Variants in NAALADL2 observed in about 807,000 individuals in gnomAD.
NAALADL2 encodes N-acetylated alpha-linked acidic dipeptidase like 2.
Under a neutral mutation model 87.2 loss-of-function variants are expected in NAALADL2, and 76 were observed. The ratio of observed to expected loss-of-function variants is 0.87; its 90% CI spans 0.72 to 1.05. The LOEUF (loss-of-function observed/expected upper bound fraction) is 1.05, where lower values mean the gene tolerates loss of function less well. Among genes scored for constraint, NAALADL2 ranks in the 50% least tolerant of loss-of-function variants. The pLI is 0.00. For missense variants in NAALADL2, 1,089 were observed against 945.8 expected, an observed-to-expected ratio of 1.15 and a Z score of -1.99; for synonymous variants, 354 against 331.0, an observed-to-expected ratio of 1.07 and a Z score of -0.75.
At chr3:175,242,452 G>C (rs1747092628) in intron 3 of NAALADL2, 1 of 152,104 alleles carries the variant, frequency 6.6e-6, no homozygotes, top group Non-Finnish European at 1.5e-5. Flanking sequence ...TTGATTCTTA[G>C]GTTTCCGCAC....
chr3:175,377,701 C>T (rs971776539), intron 5 of NAALADL2, among the ~76,000 whole-genome samples: 1 of 152,134 alleles, frequency 6.6e-6, no homozygotes, highest in African/African-American at 2.4e-5. Flanking sequence ...CTGTACTGCA[C>T]CCCATCCTGT....
chr3:175,206,068 C>G (rs945409598), intron 2 of NAALADL2, among the ~76,000 whole-genome samples: 3 of 151,612 alleles, frequency 2.0e-5, no homozygotes, highest in South Asian at 2.1e-4. Context: ...AGTAGAACTA[C>G]CATTTGATAC....
chr3:174,479,987 T>C (rs1436680168), intron 1 of NAALADL2, among the ~76,000 whole-genome samples: 6 of 152,114 alleles, frequency 3.9e-5, no homozygotes, highest in African/African-American at 1.4e-4. Context: ...TGGTAATATG[T>C]GAGTTTTGAA....
At chr3:175,003,031 A>G (rs982285516) in intron 1 of NAALADL2, among the ~76,000 whole-genome samples, 9 of 152,206 alleles carry the variant, frequency 5.9e-5, no homozygotes, top group African/African-American at 2.2e-4. Flanking sequence ...TTTCATAAAC[A>G]TTTGTATTAG....
At chr3:175,549,777 A>G (rs773676773) in intron 9 of NAALADL2, among the ~76,000 whole-genome samples, 5 of 152,068 alleles carry the variant, frequency 3.3e-5, no homozygotes, top group Non-Finnish European at 5.9e-5. Context: ...TACAGTCAGA[A>G]GTTATTATTA....
At chr3:175,095,235 G>A (rs1720936971) in intron 1 of NAALADL2, among the ~76,000 whole-genome samples, 1 of 151,986 alleles carries the variant, frequency 6.6e-6, no homozygotes, top group Admixed American at 6.6e-5. Context: ...CAACTTAGAG[G>A]TCACTTTTTT....
intron 9 of NAALADL2, among the ~76,000 whole-genome samples, chr3:175,514,118 A>G (rs780072702): frequency 6.6e-6 from 1 of 152,240 alleles, no homozygotes; most frequent in African/African-American, 2.4e-5. Flanking sequence ...GTATAGGGTC[A>G]TGGTTAAGAT....
chr3:175,398,819 C>T (rs943328277), intron 5 of NAALADL2, among the ~76,000 whole-genome samples: 1 of 151,874 alleles, frequency 6.6e-6, no homozygotes, highest in Admixed American at 6.6e-5. Flanking sequence ...TGTATGAATA[C>T]ACTATTTATG....
At chr3:175,207,375 T>C (rs1001761899) in intron 2 of NAALADL2, among the ~76,000 whole-genome samples, 1 of 152,116 alleles carries the variant, frequency 6.6e-6, no homozygotes, top group Admixed American at 6.6e-5. Context: ...TGATGGAAGT[T>C]ATTACCAAAT....
chr3:174,797,536 A>G (rs929801543), intron 3 of NAALADL2, among the ~76,000 whole-genome samples: 2 of 151,674 alleles, frequency 1.3e-5, no homozygotes, highest in Non-Finnish European at 2.9e-5. Context: ...TCTTGTTTCT[A>G]TTCCACTGAT....
intron 13 of NAALADL2, among the ~76,000 whole-genome samples, chr3:175,786,120 G>A (rs1751914584): frequency 1.3e-5 from 2 of 151,888 alleles, no homozygotes; most frequent in African/African-American, 2.4e-5. Flanking sequence ...CTTTCTCTCT[G>A]GCTGCCCTTA....
chr3:174,870,203 AATCCTACTTC>A (rs1727648550), intron 1 of NAALADL2, among the ~76,000 whole-genome samples: 1 of 151,966 alleles, frequency 6.6e-6, no homozygotes, highest in Admixed American at 6.6e-5. Flanking sequence ...TCGCCCCCAA[AATCCTACTTC>A]ATCCAGTTAT....
chr3:174,948,544 T>C (rs1374317178), intron 1 of NAALADL2, among the ~76,000 whole-genome samples: 1 of 152,214 alleles, frequency 6.6e-6, no homozygotes, highest in African/African-American at 2.4e-5. Flanking sequence ...TCTGGTACTT[T>C]ATTGTGACTA....
At chr3:175,682,118 A>G (rs996071407) in intron 11 of NAALADL2, among the ~76,000 whole-genome samples, 1 of 152,128 alleles carries the variant, frequency 6.6e-6, no homozygotes. Context: ...AGGAGACACT[A>G]CAAAGAGAGA....
intron 13 of NAALADL2, among the ~76,000 whole-genome samples, chr3:175,782,058 G>C (rs535931131): frequency 6.6e-5 from 10 of 150,824 alleles, no homozygotes; most frequent in African/African-American, 2.2e-4. Context: ...TGGCTGCATA[G>C]TATTCCATGG....
intron 10 of NAALADL2, among the ~76,000 whole-genome samples, chr3:175,618,992 C>T (rs1192616827): frequency 2.6e-5 from 4 of 152,126 alleles, no homozygotes; most frequent in Admixed American, 6.5e-5. Context: ...CCTCTGGATC[C>T]CTCAGATCTG....
chr3:175,312,189 G>A (rs141605773), intron 4 of NAALADL2, among the ~76,000 whole-genome samples: 74 of 152,198 alleles, frequency 4.9e-4, no homozygotes, highest in African/African-American at 1.3e-3. Flanking sequence ...AAAGGATAAC[G>A]TAATATTTGA....
intron 3 of NAALADL2, among the ~76,000 whole-genome samples, chr3:174,813,678 A>C (rs1720469977): frequency 6.6e-6 from 1 of 152,228 alleles, no homozygotes; most frequent in Middle Eastern, 3.4e-3. Context: ...TTCATAGACA[A>C]AGTTTTGCTA....
In NAALADL2 at chr3:174,464,130, TTTA is replaced by T. The variant is rs531800144; in HGVS notation, c.-184+23110_-184+23112del. Among the ~76,000 whole-genome samples, 1,133 of 152,182 alleles carry T rather than the reference TTTA, an allele frequency of 7.4e-3. 6 individuals carry two copies. Among genetic ancestry groups the T allele is most frequent in the Non-Finnish European group, 0.012 (805 of 67,994 alleles). On this transcript the variant is annotated intron_variant, in intron 1 of 3. Coordinates refer to the NAALADL2 transcript ENST00000434257. ...GCTATAGTATTTCTTGATTTCAACC[TTTA>T]TTATTATTATTTTTAAATATTGGCC...
Sources: gnomAD v4.1 joint callset for allele counts (sites outside exome capture counted in the v4.1 genomes callset) on GRCh38, gnomAD v4.1.1 for gene constraint, MANE v1.5 for transcripts, NCBI Gene and HGNC (gene_info 2026-07-23, HGNC 2026-07-21) for gene names.